Variants in TBC1D8B observed in about 807,000 individuals in gnomAD.
The protein encoded by TBC1D8B is TBC1 domain family member 8B.
TBC1D8B carries 75 observed loss-of-function variants against 82.9 expected under a neutral mutation model. That is an observed-to-expected ratio of 0.90 (90% CI 0.75 to 1.10). The LOEUF (loss-of-function observed/expected upper bound fraction) is 1.10. Among genes scored for constraint, TBC1D8B ranks in the 50% least tolerant of loss-of-function variants. TBC1D8B has a pLI of 0.00. For missense variants in TBC1D8B, 794 were observed against 796.9 expected, an observed-to-expected ratio of 1.00 and a Z score of 0.04; for synonymous variants, 276 against 276.8, an observed-to-expected ratio of 1.00 and a Z score of 0.03.
chrX:106,816,650 A>G (rs1343301643), intron 1 of TBC1D8B, among the ~76,000 whole-genome samples: 1 of 110,524 alleles, frequency 9.0e-6, no homozygotes, highest in Non-Finnish European at 1.9e-5. Flanking sequence ...TTCATATCAG[A>G]TAACTTCTTA....
chrX:106,841,435 C>T (rs781549156), intron 10 of TBC1D8B, among the ~76,000 whole-genome samples: 7 of 110,653 alleles, frequency 6.3e-5, no homozygotes, highest in African/African-American at 1.6e-4. Flanking sequence ...TAGAGGTAAA[C>T]GTAAAGTATG....
intron 1 of TBC1D8B, among the ~76,000 whole-genome samples, chrX:106,806,372 C>G (rs1931188002): frequency 8.9e-6 from 1 of 112,050 alleles, no homozygotes; most frequent in Non-Finnish European, 1.9e-5. Context: ...TTTACGGTCC[C>G]CTTATGTTAT....
intron 7 of TBC1D8B, 131 bp downstream of exon 7, chrX:106,827,468 G>T: frequency 1.5e-6 from 1 of 676,044 alleles, no homozygotes; most frequent in South Asian, 3.0e-5. Flanking sequence ...TAGAATCTAA[G>T]AAATTATATT....
Position 106,840,672 on chromosome X carries a change from G to T in TBC1D8B, c.1507G>T (p.Ala503Ser). 8.3e-7 allele frequency: 1 copy of T among 1,204,711 alleles called. No individual in the cohort carries two copies. The stretch of plus-strand genomic sequence containing the variant: ...TGTTAATGTAATAATCTTCACAGGT[G>T]CTGTTAATGACATGGCTACTAATCC... ...RGELWMLFSG[A>S]VNDMATNPDY... The change falls in exon 10 of 21, where the codon GCT (alanine) becomes TCT (serine). Residue 503 changes from alanine to serine, a missense_variant and splice_region_variant. Coordinates refer to ENST00000357242, the MANE Select transcript of TBC1D8B (RefSeq NM_017752.3).
chrX:106,841,349 T>A (rs1239769392), intron 10 of TBC1D8B, among the ~76,000 whole-genome samples: 1 of 111,681 alleles, frequency 9.0e-6, no homozygotes, highest in African/African-American at 3.2e-5. Flanking sequence ...GTCTTAAAAA[T>A]TGGTGAATTT....
At chrX:106,834,390 G>T (rs138731620) in intron 7 of TBC1D8B, among the ~76,000 whole-genome samples, 380 of 111,100 alleles carry the variant, frequency 3.4e-3, no homozygotes, top group Non-Finnish European at 4.9e-3. Context: ...ACCTAGTCCT[G>T]CCCTTGACAC....
At chrX:106,839,625 C>A (rs1478044462) in intron 8 of TBC1D8B, among the ~76,000 whole-genome samples, 168 bp downstream of exon 8, 1 of 111,666 alleles carries the variant, frequency 9.0e-6, no homozygotes, top group African/African-American at 3.3e-5. Flanking sequence ...TACACAAGGA[C>A]TATTATCAGG....
chrX:106,848,936 A>ATT (rs34205623), intron 11 of TBC1D8B, among the ~76,000 whole-genome samples: 12 of 98,795 alleles, frequency 1.2e-4, no homozygotes, highest in African/African-American at 4.4e-4. Flanking sequence ...CGCCTGGCTA[A>ATT]TTTTTTTTTT....
At chrX:106,840,581 A>T in intron 9 of TBC1D8B, 89 bp from the exon 10 acceptor site, 2 of 836,423 alleles carry the variant, frequency 2.4e-6, no homozygotes, top group South Asian at 4.8e-5. Context: ...CTAAATATCA[A>T]GGTAATGAAA....
intron 14 of TBC1D8B, among the ~76,000 whole-genome samples, chrX:106,860,359 G>C (rs1932762583): frequency 9.4e-6 from 1 of 106,821 alleles, no homozygotes; most frequent in Admixed American, 1.0e-4. Flanking sequence ...GTGTGTGTGT[G>C]TGTGTGTGTG....
At chrX:106,813,836 C>T in intron 1 of TBC1D8B, 1 of 109,769 alleles carries the variant, frequency 9.1e-6, no homozygotes, top group Non-Finnish European at 1.9e-5. Flanking sequence ...AAACATTCTC[C>T]TCTTCTCTAT....
intron 1 of TBC1D8B, among the ~76,000 whole-genome samples, chrX:106,808,028 AG>A (rs1931249966): frequency 1.8e-5 from 2 of 110,657 alleles, no homozygotes; most frequent in Admixed American, 1.9e-4. Flanking sequence ...ACTCCAGCCT[AG>A]GTGACACAGG....
intron 1 of TBC1D8B, among the ~76,000 whole-genome samples, chrX:106,812,597 G>A (rs1015527833): frequency 9.0e-6 from 1 of 111,329 alleles, no homozygotes; most frequent in East Asian, 2.8e-4. Flanking sequence ...ATTTTAGTTT[G>A]TGTACTAAAC....
At position 106,850,452 on chromosome X, in the gene TBC1D8B, C is replaced by T. The variant is rs187511377; in HGVS notation, c.2123+142C>T. ...AAACCACTTGAATGAAAGAGCTACA[C>T]CTAAAGTCCAGTCCTCTATCTCCAG... On this transcript the variant is annotated intron_variant, in intron 12 of 20. Transcript: ENST00000357242. 24 of 581,589 alleles carry T rather than the reference C, an allele frequency of 4.1e-5. 1 individual carries two copies. In the African/African-American group the frequency reaches 4.9e-4, roughly 12 times the overall value. 47.9% of individuals were successfully genotyped at this position (581,589 alleles called of 1,213,427 possible).
At chrX:106,849,521 A>G in intron 11 of TBC1D8B, 2 of 990,206 alleles carry the variant, frequency 2.0e-6, no homozygotes, top group Non-Finnish European at 2.5e-6. Flanking sequence ...TTGATAGCTG[A>G]GAACTCATCA....
chrX:106,839,526 A>G, intron 8 of TBC1D8B, 69 bp downstream of exon 8: 7 of 1,015,650 alleles, frequency 6.9e-6, no homozygotes, highest in Non-Finnish European at 9.0e-6. Context: ...TTAAAAGCAG[A>G]CTAGAAGGTA....
chrX:106,814,744 G>A (rs192666117), intron 1 of TBC1D8B: 1 of 111,749 alleles, frequency 8.9e-6, no homozygotes, highest in East Asian at 2.8e-4. Context: ...CATTCTAACT[G>A]GTGTGAGATG....
chrX:106,832,426 A>G (rs767396152), intron 7 of TBC1D8B, among the ~76,000 whole-genome samples: 1 of 111,410 alleles, frequency 9.0e-6, no homozygotes, highest in South Asian at 3.7e-4. Context: ...GACACATATA[A>G]TCAAGAACTA....
At chrX:106,803,942 C>G (rs951870170) in intron 1 of TBC1D8B, among the ~76,000 whole-genome samples, 1 of 111,127 alleles carries the variant, frequency 9.0e-6, no homozygotes, top group African/African-American at 3.3e-5. Context: ...GGGAAGAGTC[C>G]CGAAAACCTG....
Sources: gnomAD v4.1 joint callset for allele counts (sites outside exome capture counted in the v4.1 genomes callset) on GRCh38, gnomAD v4.1.1 for gene constraint, MANE v1.5 for transcripts, NCBI Gene and HGNC (gene_info 2026-07-23, HGNC 2026-07-21) for gene names.